Variants in KCNIP1 observed in about 807,000 individuals in gnomAD.
KCNIP1 encodes potassium voltage-gated channel interacting protein 1, also known as A-type potassium channel modulatory protein KCNIP1.
Under a neutral mutation model 33.0 loss-of-function variants are expected in KCNIP1, and 18 were observed. The ratio of observed to expected loss-of-function variants is 0.55; its 90% CI spans 0.38 to 0.81. The LOEUF (loss-of-function observed/expected upper bound fraction) is 0.81. Ranked by LOEUF, KCNIP1 falls within the 30% of genes least tolerant of loss-of-function variation. KCNIP1 has a pLI of 0.00. For missense variants in KCNIP1, 238 were observed against 271.6 expected (o/e 0.88, Z 0.87); for synonymous variants, 93 against 98.3 (o/e 0.95, Z 0.32).
intron 1 of KCNIP1, among the ~76,000 whole-genome samples, chr5:170,530,891 A>C (rs1307583448): frequency 2.0e-5 from 3 of 152,114 alleles, no homozygotes; most frequent in African/African-American, 7.2e-5. Flanking sequence ...TGTGTTGAGC[A>C]GTGGAGATAG....
chr5:170,617,220 C>T (rs1337719668), intron 1 of KCNIP1, among the ~76,000 whole-genome samples: 5 of 152,018 alleles, frequency 3.3e-5, no homozygotes, highest in African/African-American at 9.7e-5. Context: ...CCCTGCAAAG[C>T]GTCAGCACTC....
chr5:170,379,818 G>A (rs1447174865), intron 1 of KCNIP1, among the ~76,000 whole-genome samples: 1 of 151,994 alleles, frequency 6.6e-6, no homozygotes, highest in Non-Finnish European at 1.5e-5. Flanking sequence ...GGTGGGCATG[G>A]TGGTGTACCT....
chr5:170,463,633 A>C (rs1229123756), intron 1 of KCNIP1, among the ~76,000 whole-genome samples: 1 of 152,234 alleles, frequency 6.6e-6, no homozygotes, highest in African/African-American at 2.4e-5. Context: ...GTCATGATAA[A>C]AACACTCAAC....
At chr5:170,734,924 C>T (rs1764327876) in intron 7 of KCNIP1, among the ~76,000 whole-genome samples, 1 of 152,178 alleles carries the variant, frequency 6.6e-6, no homozygotes, top group South Asian at 2.1e-4. Flanking sequence ...GGCACCTTCC[C>T]CACCTCCAAC....
chr5:170,419,825 T>C (rs999030422), intron 1 of KCNIP1, among the ~76,000 whole-genome samples: 10 of 152,242 alleles, frequency 6.6e-5, no homozygotes, highest in Non-Finnish European at 1.3e-4. Flanking sequence ...GAAGGCAGCA[T>C]GTTTATGCCC....
At chr5:170,648,003 G>T (rs1164498325) in intron 1 of KCNIP1, among the ~76,000 whole-genome samples, 1 of 152,154 alleles carries the variant, frequency 6.6e-6, no homozygotes, top group Non-Finnish European at 1.5e-5. Flanking sequence ...AAGATATACA[G>T]ATGGCAAGTA....
At chr5:170,429,558 G>A (rs769257427) in intron 1 of KCNIP1, among the ~76,000 whole-genome samples, 10 of 151,974 alleles carry the variant, frequency 6.6e-5, no homozygotes, top group Non-Finnish European at 8.8e-5. Flanking sequence ...TAGGGTATCC[G>A]TCCCCACAAT....
intron 1 of KCNIP1, chr5:170,378,447 G>C: frequency 2.1e-6 from 1 of 466,234 alleles, no homozygotes; most frequent in South Asian, 3.9e-5. Flanking sequence ...AGTTGAGTGG[G>C]GACAGGTAAT....
intron 1 of KCNIP1, among the ~76,000 whole-genome samples, chr5:170,427,475 G>A (rs1196597997): frequency 6.6e-6 from 1 of 152,166 alleles, no homozygotes; most frequent in Non-Finnish European, 1.5e-5. Flanking sequence ...GCACAGAAAG[G>A]GGAAGCGACT....
chr5:170,416,035 G>A (rs995060422), intron 1 of KCNIP1, among the ~76,000 whole-genome samples: 3 of 152,088 alleles, frequency 2.0e-5, no homozygotes, highest in African/African-American at 7.2e-5. Flanking sequence ...AGCTAGTCAG[G>A]AGGCCACAGT....
chr5:170,356,914 GCAGCCTC>G (rs533058543), intron 1 of KCNIP1, among the ~76,000 whole-genome samples: 1 of 152,142 alleles, frequency 6.6e-6, no homozygotes, highest in African/African-American at 2.4e-5. Flanking sequence ...AGCTGAGTCT[GCAGCCTC>G]CAGCCTCCAG....
intron 1 of KCNIP1, among the ~76,000 whole-genome samples, chr5:170,707,160 A>C (rs1763284183): frequency 2.8e-5 from 1 of 36,236 alleles, no homozygotes; most frequent in South Asian, 2.5e-3. Context: ...TAAATCATCA[A>C]AAAAAAAAAA....
chr5:170,385,885 C>T (rs773418962), intron 1 of KCNIP1, among the ~76,000 whole-genome samples: 1 of 151,800 alleles, frequency 6.6e-6, no homozygotes, highest in African/African-American at 2.4e-5. Context: ...TTTCGGAGAC[C>T]GAGGTGGGCG....
chr5:170,565,923 A>C (rs1757189937), intron 1 of KCNIP1, among the ~76,000 whole-genome samples: 1 of 152,248 alleles, frequency 6.6e-6, no homozygotes, highest in Admixed American at 6.5e-5. Context: ...AAATGGACAA[A>C]TGCAGGATAT....
chr5:170,711,925 G>A (rs1320614742), intron 1 of KCNIP1, among the ~76,000 whole-genome samples: 2 of 152,152 alleles, frequency 1.3e-5, no homozygotes, highest in Non-Finnish European at 2.9e-5. Flanking sequence ...CAGATTGGGG[G>A]ACAGGAGAGA....
At chr5:170,436,256 C>T (rs1249262740) in intron 1 of KCNIP1, among the ~76,000 whole-genome samples, 3 of 152,146 alleles carry the variant, frequency 2.0e-5, no homozygotes, top group Non-Finnish European at 2.9e-5. Flanking sequence ...TCCGGCCATT[C>T]GAGGTTATTA....
intron 1 of KCNIP1, among the ~76,000 whole-genome samples, chr5:170,371,883 G>A (rs1436849367): frequency 2.0e-5 from 3 of 151,832 alleles, no homozygotes; most frequent in South Asian, 2.1e-4. Flanking sequence ...TGTTCTCCCC[G>A]ACAATACTTC....
At chr5:170,659,227 G>A (rs1273809613) in intron 1 of KCNIP1, among the ~76,000 whole-genome samples, 2 of 152,052 alleles carry the variant, frequency 1.3e-5, no homozygotes, top group Non-Finnish European at 2.9e-5. Flanking sequence ...CCTCTCACTA[G>A]GACTTCACAG....
chr5:170,416,741 C>T (rs1033882412), intron 1 of KCNIP1, among the ~76,000 whole-genome samples: 1 of 152,044 alleles, frequency 6.6e-6, no homozygotes, highest in African/African-American at 2.4e-5. Context: ...TGCCAGCACT[C>T]ATTTCTTGGG....
Sources: gnomAD v4.1 joint callset for allele counts (sites outside exome capture counted in the v4.1 genomes callset) on GRCh38, gnomAD v4.1.1 for gene constraint, MANE v1.5 for transcripts, NCBI Gene and HGNC (gene_info 2026-07-23, HGNC 2026-07-21) for gene names.